TSBP1: variants seen among roughly 807,000 people sequenced by gnomAD.
TSBP1 encodes testis expressed basic protein 1, also known as testis-expressed basic protein 1.
Under a neutral mutation model 68.8 loss-of-function variants are expected in TSBP1, and 56 were observed. The observed-to-expected ratio is 0.81, with a 90% CI of 0.66 to 1.02. The LOEUF is 1.02. Ranked by LOEUF, TSBP1 falls within the 50% of genes least tolerant of loss-of-function variation. The pLI is 0.00. For synonymous variants in TSBP1, 171 were observed against 208.7 expected, an observed-to-expected ratio of 0.82 and a Z score of 1.56; for missense variants, 502 against 641.2, an observed-to-expected ratio of 0.78 and a Z score of 2.34.
chr6:32,293,294 T>A, exon 23 of TSBP1: 1 of 1,612,726 alleles, frequency 6.2e-7, no homozygotes, highest in Non-Finnish European at 8.5e-7. Context: ...CACCTCAGTG[T>A]TCTTTACTTG....
chr6:32,349,788 T>C (rs780971301), exon 9 of TSBP1: 1 of 1,610,462 alleles, frequency 6.2e-7, no homozygotes, highest in Non-Finnish European at 8.5e-7. Context: ...AAAAGAAGAA[T>C]GAGTTCTGTT....
At chr6:32,327,659 T>TC (rs1768384526) in intron 16 of TSBP1, among the ~76,000 whole-genome samples, 1 of 71,202 alleles carries the variant, frequency 1.4e-5, no homozygotes, top group East Asian at 4.6e-4. Flanking sequence ...TTTTTCTTTT[T>TC]TTTTTTCTTT....
rs980605 is a variant in TSBP1 at position 32,321,885 on chromosome 6, C to T, written c.559+1232G>A. Among the ~76,000 whole-genome samples, 10,946 of 152,106 alleles carry T rather than the reference C, an allele frequency of 0.072. 504 individuals carry two copies. Among genetic ancestry groups the T allele is most frequent in the East Asian group, 0.19 (962 of 5,152 alleles). ...CCTACTATCTGGATTAAGTGAGATGCTTTGGCAACTCTGAATCTGAATTCT... is the reference window on the plus strand; with the variant it reads ...CCTACTATCTGGATTAAGTGAGATGTTTTGGCAACTCTGAATCTGAATTCT... On this transcript the variant is annotated intron_variant, in intron 18 of 22. Coordinates refer to ENST00000612031, the Ensembl canonical transcript of TSBP1. This position sits in a 1 kb window ranked among gnomAD's most constrained non-coding sequence, Gnocchi z 4.3.
intron 9 of TSBP1, among the ~76,000 whole-genome samples, chr6:32,344,142 C>A (rs1770690064): frequency 6.6e-6 from 1 of 151,236 alleles, no homozygotes; most frequent in East Asian, 1.9e-4. Context: ...TTTTAGGGTA[C>A]ATGTGCACAA....
intron 19 of TSBP1, among the ~76,000 whole-genome samples, chr6:32,311,901 G>T (rs191582537): frequency 1.0e-3 from 156 of 152,280 alleles, no homozygotes; most frequent in African/African-American, 3.2e-3. Context: ...GTAGTGCAGA[G>T]TGTCCTTGTT....
rs1323739175 is a variant in TSBP1 at position 32,365,313 on chromosome 6, T to C, written c.217+854A>G. On this transcript the variant is annotated intron_variant, in intron 6 of 22. Transcript: ENST00000612031. The surrounding 1 kb of genome is among the most constrained non-coding windows in gnomAD (Gnocchi z 4.3). ...GAATTCTCAAGTTTGTGTCCTTTTT[T>C]CCAATCCCACAAAGTCAAACTGACT... is the stretch of plus-strand genomic sequence containing the variant. 3 of 457,040 alleles carry C rather than the reference T, an allele frequency of 6.6e-6. No individual in the cohort carries two copies. The Admixed American group carries it at 7.0e-5, about 11-fold the overall frequency. The allele number at this position is 457,040 out of a possible 1,614,324, so 28.3% of individuals were successfully genotyped here.
At position 32,333,633 on chromosome 6, in the gene TSBP1, A is replaced by G. The variant is rs570881238; in HGVS notation, c.473-1579T>C. Among the ~76,000 whole-genome samples the G allele has an allele frequency of 6.6e-6, 1 of 152,346 alleles. No homozygotes were observed. Among genetic ancestry groups the G allele is most frequent in the South Asian group, 2.1e-4 (1 of 4,830 alleles). On this transcript the variant is annotated intron_variant, in intron 14 of 22. Transcript: ENST00000612031. This position sits in a 1 kb window ranked among gnomAD's most constrained non-coding sequence, Gnocchi z 4.2. ...ATGGCGAGTACTACTCCCACAGCAG[A>G]GGGATAGCTGTTAATGCCCTTGCTG...
intron 10 of TSBP1, 188 bp downstream of exon 11, chr6:32,339,412 C>CT (rs1245879732): frequency 1.4e-6 from 1 of 691,796 alleles, no homozygotes; most frequent in East Asian, 2.7e-5. Context: ...GCAAGTTTTT[C>CT]TCCTTTCCTC....
intron 9 of TSBP1, among the ~76,000 whole-genome samples, chr6:32,341,095 C>A (rs1426988563): frequency 6.6e-6 from 1 of 152,152 alleles, no homozygotes; most frequent in Non-Finnish European, 1.5e-5. Context: ...CATACTGGGC[C>A]AAGAAAGGAA....
At position 32,304,617 on chromosome 6, in the gene TSBP1, T is replaced by C. The variant is rs1038427231; in HGVS notation, c.581-1988A>G. On this transcript the variant is annotated intron_variant, in intron 19 of 22. Transcript: ENST00000612031. This position sits in a 1 kb window ranked among gnomAD's most constrained non-coding sequence, Gnocchi z 4.8. ...AACATTCTTAAACTAGGTCACATTCTTTCAGGAGACTGGCTAATAGTTAAA... is the reference window on the plus strand; with the variant it reads ...AACATTCTTAAACTAGGTCACATTCCTTCAGGAGACTGGCTAATAGTTAAA... Among the ~76,000 whole-genome samples, 1 of 152,226 alleles carries C rather than the reference T, an allele frequency of 6.6e-6. No individual in the cohort carries two copies. The highest frequency in any genetic ancestry group is 2.4e-5 in the African/African-American group (1 of 41,460).
At chr6:32,354,008 C>G (rs368414306) in intron 8 of TSBP1, among the ~76,000 whole-genome samples, 1 of 151,824 alleles carries the variant, frequency 6.6e-6, no homozygotes, top group African/African-American at 2.4e-5. Flanking sequence ...CTTTGTGATA[C>G]CCAGATAAGG....
chr6:32,313,310 A>C (rs527541993), intron 19 of TSBP1, among the ~76,000 whole-genome samples: 7 of 152,396 alleles, frequency 4.6e-5, no homozygotes, highest in African/African-American at 1.7e-4. Flanking sequence ...CTCAACATAT[A>C]AACTCCTTAA....
chr6:32,368,545 A>G (rs1312482646), intron 3 of TSBP1, among the ~76,000 whole-genome samples: 1 of 152,152 alleles, frequency 6.6e-6, no homozygotes. Flanking sequence ...AGGGAGCCTC[A>G]GAATTATGCA....
chr6:32,369,756 A>C (rs1774180319), intron 2 of TSBP1, 141 bp downstream of exon 2: 5 of 765,752 alleles, frequency 6.5e-6, no homozygotes, highest in Non-Finnish European at 7.2e-6. Flanking sequence ...AGATTCTTTG[A>C]CTCAAGTATT....
At position 32,335,068 on chromosome 6, in the gene TSBP1, T is replaced by C. The variant is rs190231525; in HGVS notation, c.472+369A>G. On this transcript the variant is annotated intron_variant, in intron 14 of 22. Transcript: ENST00000612031. This position sits in a 1 kb window ranked among gnomAD's most constrained non-coding sequence, Gnocchi z 5.5. ...AAAGAAAGGAAACTTAAAATTTGCA[T>C]TATTTTACAAAGTGAAGATAATCTA... Among the ~76,000 whole-genome samples, 5 of 152,236 alleles carry C rather than the reference T, an allele frequency of 3.3e-5. No homozygotes were observed. Among genetic ancestry groups the C allele is most frequent in the Admixed American group, 3.3e-4 (5 of 15,284 alleles).
chr6:32,329,350 C>T (rs898694307), intron 16 of TSBP1, among the ~76,000 whole-genome samples: 2 of 152,100 alleles, frequency 1.3e-5, no homozygotes, highest in Admixed American at 1.3e-4. Flanking sequence ...CAGTGAGATC[C>T]TCTGAGGTGA....
At chr6:32,366,230 A>G in intron 5 of TSBP1, 43 bp from the exon 6 acceptor site, 1 of 1,592,408 alleles carries the variant, frequency 6.3e-7, no homozygotes, top group South Asian at 1.2e-5. Context: ...AATTTCTCAT[A>G]AACAGACTCC....
intron 17 of TSBP1, 45 bp from the exon 19 acceptor site, chr6:32,323,182 C>G (rs753289308): frequency 7.5e-7 from 1 of 1,337,494 alleles, no homozygotes; most frequent in South Asian, 1.2e-5. Context: ...TTGAAAGAAA[C>G]AAGGTTCCCT....
chr6:32,300,519 TA>T (rs1298470286), intron 21 of TSBP1, among the ~76,000 whole-genome samples, 160 bp downstream of exon 24: 1 of 152,006 alleles, frequency 6.6e-6, no homozygotes, highest in African/African-American at 2.4e-5. Context: ...AAAAGGAAAA[TA>T]GATAAGAAGA....
Sources: allele counts gnomAD v4.1 joint callset (sites outside exome capture counted in the v4.1 genomes callset), GRCh38; gene constraint gnomAD v4.1.1; non-coding constraint Gnocchi (gnomAD v3.1); transcripts MANE v1.5; gene names NCBI Gene and HGNC (gene_info 2026-07-23, HGNC 2026-07-21).